Variants in GBP2 observed in about 807,000 individuals in gnomAD.
GBP2 encodes guanylate-binding protein 2.
GBP2 carries 54 observed loss-of-function variants against 60.8 expected under a neutral mutation model. That is an observed-to-expected ratio of 0.89 (90% confidence interval 0.71 to 1.11). The LOEUF (loss-of-function observed/expected upper bound fraction) is 1.11. Among genes scored for constraint, GBP2 ranks in the 50% most tolerant of loss-of-function variants. The pLI is 0.00. For synonymous variants in GBP2, 243 were observed against 256.5 expected, an observed-to-expected ratio of 0.95 and a Z score of 0.50; for missense variants, 665 against 703.3, an observed-to-expected ratio of 0.95 and a Z score of 0.62.
intron 1 of GBP2, among the ~76,000 whole-genome samples, chr1:89,122,314 T>TCACATTTCACCAGTTTCC (rs1681418207): frequency 6.6e-6 from 1 of 152,222 alleles, no homozygotes; most frequent in African/African-American, 2.4e-5. Flanking sequence ...CACTCCTTAT[T>TCACATTTCACCAGTTTCC]CACATTTCAC....
At chr1:89,120,079 T>A (rs760367503) in intron 4 of GBP2, 100 bp downstream of exon 4, 96 of 780,828 alleles carry the variant, frequency 1.2e-4, no homozygotes, top group South Asian at 3.1e-4. Flanking sequence ...AGAGGACTTA[T>A]GAATTCTTCA....
In GBP2 at chr1:89,112,561, A is replaced by T. The variant is rs767575808; in HGVS notation, c.1273T>A (p.Phe425Ile). ...AGACGGTAACCTCCTGGTTTAGAAA[A>T]TGTTCCCTGCTTGACATCTTCTTCT... ...PLEEDVKQGTFSKPGGYRLFT... is the reference protein window; with the variant it reads ...PLEEDVKQGTISKPGGYRLFT... The change falls in exon 8 of 11, where the codon TTT (phenylalanine) becomes ATT (isoleucine). Residue 425 changes from phenylalanine (F) to isoleucine (I), a missense_variant. By Grantham distance (21) the Phe-to-Ile change is conservative. Transcript: ENST00000370466. The T allele has an allele frequency of 8.7e-6, 14 of 1,614,046 alleles. No individual in the cohort carries two copies. The African/African-American group carries it at 1.3e-4, about 15-fold the overall frequency.
chr1:89,108,165 C>A lies in GBP2; in HGVS notation c.*10G>T. On this transcript the variant is annotated 3_prime_UTR_variant, in exon 11 of 11. Transcript: ENST00000370466. ...GGGAGCTGGACAGGCAAATTTTGCT[C>A]CTTGGACTTTTAGAGTATGTTACAT... 1.3e-6 allele frequency: 2 copies of A among 1,551,606 alleles called. No homozygotes were observed. Among genetic ancestry groups the A allele is most frequent in the South Asian group, 1.1e-5 (1 of 89,128 alleles).
intron 3 of GBP2, 118 bp downstream of exon 3, chr1:89,121,025 A>C: frequency 2.0e-6 from 1 of 509,528 alleles, no homozygotes; most frequent in East Asian, 4.0e-5. Context: ...AATATAATTA[A>C]CTAGAGCCCT....
At chr1:89,117,349 G>T (rs1681299033) in intron 5 of GBP2, 115 bp from the exon 6 acceptor site, 1 of 1,027,450 alleles carries the variant, frequency 9.7e-7, no homozygotes, top group Non-Finnish European at 1.4e-6. Flanking sequence ...TTAGGAAGAA[G>T]AAATAAAAAA....
chr1:89,114,813 A>G (rs1245411480), intron 6 of GBP2, among the ~76,000 whole-genome samples: 1 of 152,194 alleles, frequency 6.6e-6, no homozygotes, highest in Non-Finnish European at 1.5e-5. Context: ...CATGCCAGGA[A>G]AACCTCATCT....
chr1:89,121,302 A>G lies in GBP2; in HGVS notation c.191-32T>C, dbSNP rs757337872. On this transcript the variant is annotated intron_variant, in intron 2 of 10. Transcript: ENST00000370466. Reference sequence around the variant, plus strand: ...AAGGAGAGGATAAAAGGGAAAAGAAATTACTTAGTAGGTGTTTCTGGAAAT... The same window carrying G: ...AAGGAGAGGATAAAAGGGAAAAGAAGTTACTTAGTAGGTGTTTCTGGAAAT... The G allele has an allele frequency of 3.2e-6, 5 of 1,564,338 alleles. No homozygotes were observed. In the South Asian group the frequency reaches 4.8e-5, roughly 15 times the overall value.
rs77264184 is a variant in GBP2 at position 89,125,360 on chromosome 1, A to G, written c.-18+503T>C. Among the ~76,000 whole-genome samples the G allele has an allele frequency of 3.5e-4, 53 of 152,348 alleles. No homozygotes were observed. In the East Asian group the frequency reaches 7.5e-3, roughly 22 times the overall value. On this transcript the variant is annotated intron_variant, in intron 1 of 10. Coordinates refer to ENST00000370466, the MANE Select transcript of GBP2 (RefSeq NM_004120.5). Reference sequence around the variant, plus strand: ...TCAGGACCCATTTTCTCTTACAACAATGGCTCACAGACACTTCTGGCAAGA... The same window carrying G: ...TCAGGACCCATTTTCTCTTACAACAGTGGCTCACAGACACTTCTGGCAAGA...
chr1:89,118,762 C>T (rs2100617733), intron 4 of GBP2: 1 of 152,220 alleles, frequency 6.6e-6, no homozygotes, highest in South Asian at 2.1e-4. Flanking sequence ...TAATAATTTC[C>T]AAAACATAAG....
chr1:89,114,444 CAG>C, intron 6 of GBP2, 148 bp from the exon 7 acceptor site: 1 of 1,001,012 alleles, frequency 1.0e-6, no homozygotes, highest in Admixed American at 2.9e-5. Flanking sequence ...CCTCTAATCA[CAG>C]AGGAAATTGA....
chr1:89,117,530 T>C, intron 5 of GBP2, 47 bp downstream of exon 5: 1 of 1,446,848 alleles, frequency 6.9e-7, no homozygotes, highest in Non-Finnish European at 9.6e-7. Context: ...TATTTTGATA[T>C]TATTTGCTCT....
intron 1 of GBP2, among the ~76,000 whole-genome samples, chr1:89,124,909 T>C (rs1046497088): frequency 6.6e-6 from 1 of 152,216 alleles, no homozygotes; most frequent in Admixed American, 6.5e-5. Context: ...TTATTTCAGG[T>C]AATGAAGCCA....
At chr1:89,112,400 C>T in intron 8 of GBP2, 72 bp downstream of exon 8, 1 of 1,309,928 alleles carries the variant, frequency 7.6e-7, no homozygotes, top group Non-Finnish European at 1.1e-6. Context: ...GTGCCATTTA[C>T]CTTCTTCCCA....
chr1:89,115,589 G>T (rs1472013623), intron 6 of GBP2, among the ~76,000 whole-genome samples: 1 of 151,978 alleles, frequency 6.6e-6, no homozygotes, highest in Non-Finnish European at 1.5e-5. Context: ...CCAATCGCCT[G>T]TCTTTCTTCT....
At chr1:89,109,625 A>C in intron 10 of GBP2, 52 bp downstream of exon 10, 1 of 1,549,620 alleles carries the variant, frequency 6.5e-7, no homozygotes, top group Non-Finnish European at 8.8e-7. Flanking sequence ...CTTATACTTC[A>C]TTTTCGATAT....
intron 6 of GBP2, among the ~76,000 whole-genome samples, chr1:89,115,142 G>A (rs1294482088): frequency 6.6e-6 from 1 of 152,114 alleles, no homozygotes. Context: ...AGCCATTCAA[G>A]CAATTGCTAA....
intron 2 of GBP2, 76 bp downstream of exon 2, chr1:89,121,701 A>C: frequency 6.9e-7 from 1 of 1,456,294 alleles, no homozygotes; most frequent in Non-Finnish European, 9.4e-7. Context: ...ATCTCTTTCT[A>C]TGCTCACATC....
rs777060511 is a variant in GBP2 at position 89,109,849 on chromosome 1, G to A, written c.1487C>T (p.Ser496Phe). 2.0e-5 allele frequency: 32 copies of A among 1,613,436 alleles called. No individual in the cohort carries two copies. The Admixed American group carries it at 5.2e-4, about 26-fold the overall frequency. The change falls in exon 10 of 11, where the codon TCT becomes TTT. Residue 496 changes from serine to phenylalanine, a missense_variant. Physicochemically the swap from Ser to Phe is radical, Grantham distance 155. Transcript: ENST00000370466. ...AIEVERIKAE[S>F]AEAAKKMLEE... ...CAACATTTTCTTTGCAGCTTCTGCAGATTCAGCCTTTATACGTTCCACTGT... is the reference window on the plus strand; with the variant it reads ...CAACATTTTCTTTGCAGCTTCTGCAAATTCAGCCTTTATACGTTCCACTGT...
chr1:89,125,292 C>T (rs1366750314), intron 1 of GBP2, among the ~76,000 whole-genome samples: 1 of 152,196 alleles, frequency 6.6e-6, no homozygotes, highest in Non-Finnish European at 1.5e-5. Flanking sequence ...ATCTGTTTCC[C>T]ATCCCTTCAG....
Sources: gnomAD v4.1 joint callset for allele counts (sites outside exome capture counted in the v4.1 genomes callset) on GRCh38, gnomAD v4.1.1 for gene constraint, MANE v1.5 for transcripts, NCBI Gene and HGNC (gene_info 2026-07-23, HGNC 2026-07-21) for gene names.